The following THSD7A variants were observed in gnomAD, a reference collection of about 807,000 sequenced individuals.
THSD7A encodes thrombospondin type 1 domain containing 7A.
Under a neutral mutation model 231.3 loss-of-function variants are expected in THSD7A, and 96 were observed. The observed-to-expected ratio is 0.41, with a 90% CI of 0.35 to 0.49. THSD7A has a LOEUF of 0.49. Ranked by LOEUF, THSD7A falls within the 20% of genes least tolerant of loss-of-function variation. THSD7A has a pLI of 0.05. For synonymous variants in THSD7A, 940 were observed against 743.3 expected, an observed-to-expected ratio of 1.26 and a Z score of -4.30; for missense variants, 2,290 against 2,070.2, an observed-to-expected ratio of 1.11 and a Z score of -2.06.
intron 6 of THSD7A, among the ~76,000 whole-genome samples, chr7:11,496,688 G>T (rs1027606507): frequency 6.6e-6 from 1 of 152,172 alleles, no homozygotes; most frequent in East Asian, 1.9e-4. Flanking sequence ...CTAATTTTTA[G>T]AAGCAGGAGA....
chr7:11,598,306 A>C (rs933818984), intron 2 of THSD7A, among the ~76,000 whole-genome samples: 7 of 152,200 alleles, frequency 4.6e-5, no homozygotes, highest in Admixed American at 3.9e-4. Context: ...ACAACTGTGA[A>C]GATATTTGTA....
At chr7:11,463,781 A>G (rs767249693) in intron 9 of THSD7A, among the ~76,000 whole-genome samples, 1 of 152,220 alleles carries the variant, frequency 6.6e-6, no homozygotes, top group Non-Finnish European at 1.5e-5. Flanking sequence ...TGTTAAATAT[A>G]ATTTATCTAG....
intron 1 of THSD7A, among the ~76,000 whole-genome samples, chr7:11,788,188 T>A (rs1783847547): frequency 6.6e-6 from 1 of 152,122 alleles, no homozygotes; most frequent in Non-Finnish European, 1.5e-5. Flanking sequence ...GTCATTAATA[T>A]CTCTTGCCTG....
chr7:11,410,561 T>C (rs1427412232), intron 19 of THSD7A: 1 of 152,210 alleles, frequency 6.6e-6, no homozygotes, highest in African/African-American at 2.4e-5. Flanking sequence ...TATTACAACA[T>C]AAAGTGTAGC....
chr7:11,662,568 C>G (rs760500689), intron 1 of THSD7A, among the ~76,000 whole-genome samples: 3 of 151,316 alleles, frequency 2.0e-5, no homozygotes, highest in Admixed American at 6.6e-5. Flanking sequence ...TTGGCATACA[C>G]ACACACATAT....
intron 11 of THSD7A, among the ~76,000 whole-genome samples, chr7:11,460,195 T>C (rs554097495): frequency 2.6e-5 from 4 of 152,280 alleles, no homozygotes; most frequent in African/African-American, 4.8e-5. Flanking sequence ...TGGATAGCCA[T>C]GAAAATGAAA....
At position 11,474,781 on chromosome 7, in the gene THSD7A, G is replaced by A. The variant is rs569842484; in HGVS notation, c.2018-213C>T. ...CTGCTACACTCAAGGATCTCATAAT[G>A]TAGTAGGGAAAAGTAGTAGGGGAGA... On this transcript the variant is annotated intron_variant, in intron 7 of 27. Transcript: ENST00000423059. The surrounding 1 kb of genome is among the most constrained non-coding windows in gnomAD (Gnocchi z 4.1). Among the ~76,000 whole-genome samples the A allele has an allele frequency of 2.0e-5, 3 of 152,286 alleles. No homozygotes were observed. Among genetic ancestry groups the A allele is most frequent in the Admixed American group, 6.5e-5 (1 of 15,286 alleles).
intron 15 of THSD7A, among the ~76,000 whole-genome samples, chr7:11,425,224 T>C (rs1000632738): frequency 2.0e-5 from 3 of 152,160 alleles, no homozygotes; most frequent in Admixed American, 6.5e-5. Context: ...TGCAGAATGA[T>C]TGAATGAAGG....
chr7:11,642,669 A>T (rs1440974042), intron 1 of THSD7A, among the ~76,000 whole-genome samples: 2 of 152,176 alleles, frequency 1.3e-5, no homozygotes, highest in African/African-American at 4.8e-5. Flanking sequence ...CTTGGAATCA[A>T]TGTAAAATTA....
chr7:11,651,341 G>T (rs1266386756), intron 1 of THSD7A, among the ~76,000 whole-genome samples: 1 of 151,944 alleles, frequency 6.6e-6, no homozygotes, highest in Admixed American at 6.6e-5. Flanking sequence ...AGAAAATAAA[G>T]AATTCTAGAA....
intron 1 of THSD7A, among the ~76,000 whole-genome samples, chr7:11,806,522 A>T (rs1014061700): frequency 9.2e-5 from 14 of 152,158 alleles, no homozygotes; most frequent in Admixed American, 8.5e-4. Flanking sequence ...AGATAAATAA[A>T]AAGGCAGGAG....
chr7:11,622,263 T>C (rs1478554360), intron 2 of THSD7A, among the ~76,000 whole-genome samples: 1 of 152,108 alleles, frequency 6.6e-6, no homozygotes, highest in African/African-American at 2.4e-5. Context: ...CCCATCTTTT[T>C]TGAAAGAGAT....
chr7:11,519,437 G>A (rs947372053), intron 6 of THSD7A, among the ~76,000 whole-genome samples: 1 of 152,074 alleles, frequency 6.6e-6, no homozygotes, highest in African/African-American at 2.4e-5. Flanking sequence ...TATGTTCAGC[G>A]GCAGGATTCC....
chr7:11,746,806 C>T (rs1278206620), intron 1 of THSD7A, among the ~76,000 whole-genome samples: 2 of 151,798 alleles, frequency 1.3e-5, no homozygotes, highest in African/African-American at 4.8e-5. Context: ...ACAGTTTATA[C>T]TCTAGAGGGT....
chr7:11,757,802 G>A lies in THSD7A; in HGVS notation c.190+73955C>T, dbSNP rs189175344. 3.3e-5 allele frequency among the ~76,000 whole-genome samples: 5 copies of A among 151,604 alleles called. No homozygotes were observed. The East Asian group carries it at 9.7e-4, about 29-fold the overall frequency. Reference sequence around the variant, plus strand: ...CTTTTATAAAGTGTCTGTAATACATGAATATTTGATAATTATTCTCTTACC... The same window carrying A: ...CTTTTATAAAGTGTCTGTAATACATAAATATTTGATAATTATTCTCTTACC... On this transcript the variant is annotated intron_variant, in intron 1 of 27. Transcript: ENST00000423059.
At chr7:11,714,292 A>G (rs1781061027) in intron 1 of THSD7A, among the ~76,000 whole-genome samples, 1 of 151,258 alleles carries the variant, frequency 6.6e-6, no homozygotes, top group Non-Finnish European at 1.5e-5. Context: ...CAGTCCTCAC[A>G]TTAACCCTAT....
At chr7:11,618,940 T>C (rs1781213254) in intron 2 of THSD7A, among the ~76,000 whole-genome samples, 1 of 152,062 alleles carries the variant, frequency 6.6e-6, no homozygotes, top group Non-Finnish European at 1.5e-5. Context: ...AGGTGGCTTT[T>C]ATTTTTTCTT....
chr7:11,728,785 G>A (rs561492299), intron 1 of THSD7A, among the ~76,000 whole-genome samples: 146 of 151,752 alleles, frequency 9.6e-4, no homozygotes, highest in African/African-American at 3.1e-3. Flanking sequence ...TTAGTAACAT[G>A]TAATGTGTTT....
chr7:11,597,792 A>T (rs1780417526), intron 2 of THSD7A, among the ~76,000 whole-genome samples: 1 of 152,136 alleles, frequency 6.6e-6, no homozygotes, highest in Non-Finnish European at 1.5e-5. Flanking sequence ...CCATCATCAA[A>T]TGGACGTGGT....
Sources: allele counts gnomAD v4.1 joint callset (sites outside exome capture counted in the v4.1 genomes callset), GRCh38; gene constraint gnomAD v4.1.1; non-coding constraint Gnocchi (gnomAD v3.1); transcripts MANE v1.5; gene names NCBI Gene and HGNC (gene_info 2026-07-23, HGNC 2026-07-21).